The following STX18 variants were observed in gnomAD, a reference collection of about 807,000 sequenced individuals.
The protein encoded by STX18 is syntaxin 18, also known as syntaxin-18.
A neutral mutation model predicts 50.1 loss-of-function variants in STX18; 40 were observed. That is an observed-to-expected ratio of 0.80 (90% confidence interval 0.62 to 1.04). The LOEUF (loss-of-function observed/expected upper bound fraction) is 1.04. Ranked by LOEUF, STX18 falls within the 50% of genes least tolerant of loss-of-function variation. The pLI, the probability that STX18 is intolerant of heterozygous loss-of-function variation, is 0.00. For missense variants in STX18, 410 were observed against 415.8 expected (o/e 0.99, Z 0.12); for synonymous variants, 158 against 151.8 (o/e 1.04, Z -0.30).
At chr4:4,436,600 C>T (rs1577320243) in intron 6 of STX18, among the ~76,000 whole-genome samples, 2 of 152,214 alleles carry the variant, frequency 1.3e-5, no homozygotes, top group South Asian at 2.1e-4. Context: ...TCACACTCTA[C>T]AACATGCTCA....
intron 2 of STX18, among the ~76,000 whole-genome samples, chr4:4,469,324 T>C (rs1015783572): frequency 6.6e-6 from 1 of 152,210 alleles, no homozygotes; most frequent in African/African-American, 2.4e-5. Flanking sequence ...AGAAACCATA[T>C]GTGGCCCACA....
At chr4:4,492,150 T>C (rs1475395838) in intron 1 of STX18, among the ~76,000 whole-genome samples, 1 of 152,138 alleles carries the variant, frequency 6.6e-6, no homozygotes, top group East Asian at 1.9e-4. Context: ...ATCTTTGTTT[T>C]AAAGCAATCT....
At chr4:4,515,395 T>C (rs1730204963) in intron 1 of STX18, among the ~76,000 whole-genome samples, 2 of 152,204 alleles carry the variant, frequency 1.3e-5, no homozygotes. Flanking sequence ...CTTTGTGTTT[T>C]AAGAAAAACT....
intron 7 of STX18, among the ~76,000 whole-genome samples, chr4:4,428,267 C>G (rs1201041964): frequency 6.6e-6 from 1 of 152,220 alleles, no homozygotes; most frequent in Admixed American, 6.5e-5. Context: ...TTCTGGTGGG[C>G]CTGTCAGTTT....
intron 5 of STX18, 44 bp downstream of exon 5, chr4:4,457,147 A>C: frequency 6.6e-7 from 1 of 1,514,456 alleles, no homozygotes; most frequent in Non-Finnish European, 9.2e-7. Flanking sequence ...TATTATTAGT[A>C]GTACTATTAT....
At position 4,420,279 on chromosome 4, in the gene STX18, T is replaced by C; in HGVS notation, c.913-150A>G. The C allele has an allele frequency of 1.6e-6, 1 of 621,980 alleles. No individual in the cohort carries two copies. The highest frequency in any genetic ancestry group is 2.0e-5 in the South Asian group (1 of 51,024). The allele number at this position is 621,980 out of a possible 1,614,324, so 38.5% of individuals were successfully genotyped here. On this transcript the variant is annotated intron_variant, in intron 10 of 10. Coordinates refer to ENST00000306200, the MANE Select transcript of STX18 (RefSeq NM_016930.4). The surrounding 1 kb of genome is among the most constrained non-coding windows in gnomAD (Gnocchi z 4.3). ...TGTGCTTACCTTGAATAGATGGCTT[T>C]TGAGATCCACCAGAAGACAAATGGG...
In STX18 at chr4:4,452,400, G is replaced by A. The variant is rs555283035; in HGVS notation, c.497+4791C>T. Among the ~76,000 whole-genome samples the A allele has an allele frequency of 1.6e-3, 244 of 152,332 alleles. No homozygotes were observed. The Middle Eastern group carries it at 0.024, about 15-fold the overall frequency. On this transcript the variant is annotated intron_variant, in intron 5 of 10. Transcript: ENST00000306200. ...ATAAAACAGCCTTCTATTGGAATTG[G>A]AGGTAGATGCCATTTAGGACTTCCA...
chr4:4,533,725 T>C (rs1465723111), intron 1 of STX18, among the ~76,000 whole-genome samples: 1 of 152,210 alleles, frequency 6.6e-6, no homozygotes, highest in Non-Finnish European at 1.5e-5. Flanking sequence ...AAGAATTCAC[T>C]AAAAACGTCA....
chr4:4,447,357 A>G (rs1726465690), intron 5 of STX18, among the ~76,000 whole-genome samples: 1 of 151,626 alleles, frequency 6.6e-6, no homozygotes, highest in Non-Finnish European at 1.5e-5. Context: ...TGCGAGGCCG[A>G]GGCGGGCGGA....
intron 1 of STX18, among the ~76,000 whole-genome samples, chr4:4,504,837 C>A (rs1729625339): frequency 6.6e-6 from 1 of 151,906 alleles, no homozygotes; most frequent in Non-Finnish European, 1.5e-5. Flanking sequence ...AACTAGAATT[C>A]TCATACATTG....
chr4:4,508,401 GT>G (rs202121583), intron 1 of STX18, among the ~76,000 whole-genome samples: 3 of 150,654 alleles, frequency 2.0e-5, no homozygotes, highest in South Asian at 2.1e-4. Context: ...TGAAAATCTT[GT>G]TTTTTTTTGT....
chr4:4,504,379 C>T (rs1461087216), intron 1 of STX18, among the ~76,000 whole-genome samples: 2 of 152,134 alleles, frequency 1.3e-5, no homozygotes, highest in African/African-American at 4.8e-5. Flanking sequence ...GGAATTCATT[C>T]ATTCATTCAT....
intron 1 of STX18, among the ~76,000 whole-genome samples, chr4:4,497,015 C>T (rs907900458): frequency 3.3e-5 from 5 of 152,152 alleles, no homozygotes; most frequent in East Asian, 3.8e-4. Context: ...TCATGTTTTA[C>T]GCGAAACAAA....
Position 4,447,787 on chromosome 4 carries a change from C to CAAAAGGCAG in STX18, c.498-9287_498-9279dup, listed in dbSNP as rs1335254898. Among the ~76,000 whole-genome samples the CAAAAGGCAG allele has an allele frequency of 1.3e-4, 20 of 152,156 alleles. No individual in the cohort carries two copies. The East Asian group carries it at 2.9e-3, about 22-fold the overall frequency. The stretch of plus-strand genomic sequence containing the variant: ...TGCTGCTATTATTACTGTGAAATAA[C>CAAAAGGCAG]AAAAGGCAGAATGGTTAATAAGACA... On this transcript the variant is annotated intron_variant, in intron 5 of 10. Coordinates refer to ENST00000306200, the MANE Select transcript of STX18 (RefSeq NM_016930.4).
chr4:4,542,090 G>A (rs1731639762), upstream of STX18: 1 of 1,220,948 alleles, frequency 8.2e-7, no homozygotes, highest in Non-Finnish European at 1.1e-6. Context: ...GGCGACGCGA[G>A]AAGAAAGGTT....
At chr4:4,518,457 T>C (rs1416181139) in intron 1 of STX18, among the ~76,000 whole-genome samples, 1 of 152,208 alleles carries the variant, frequency 6.6e-6, no homozygotes. Flanking sequence ...ACAAACTGAG[T>C]GCAACAAGCC....
chr4:4,422,365 G>A (rs537337572), intron 9 of STX18, among the ~76,000 whole-genome samples: 3 of 152,004 alleles, frequency 2.0e-5, no homozygotes, highest in Non-Finnish European at 2.9e-5. Flanking sequence ...TCAGGAGTTC[G>A]GGACCAGCCT....
At chr4:4,446,684 C>A (rs1038934862) in intron 5 of STX18, among the ~76,000 whole-genome samples, 28 of 152,254 alleles carry the variant, frequency 1.8e-4, no homozygotes, top group Admixed American at 5.9e-4. Flanking sequence ...CTGTAACTTT[C>A]ATACATTGCT....
At chr4:4,522,069 A>G (rs925879348) in intron 1 of STX18, among the ~76,000 whole-genome samples, 7 of 152,334 alleles carry the variant, frequency 4.6e-5, no homozygotes, top group African/African-American at 1.7e-4. Flanking sequence ...TCCAAAAGTC[A>G]GCATTAGGCC....
Sources: gnomAD v4.1 joint callset for allele counts (sites outside exome capture counted in the v4.1 genomes callset) on GRCh38, gnomAD v4.1.1 for gene constraint, Gnocchi (gnomAD v3.1) non-coding constraint, MANE v1.5 for transcripts, NCBI Gene and HGNC (gene_info 2026-07-23, HGNC 2026-07-21) for gene names.